Variants in FSHR observed in about 807,000 individuals in gnomAD.
FSHR encodes the protein follicle stimulating hormone receptor.
FSHR carries 46 observed loss-of-function variants against 52.1 expected under a neutral mutation model. The ratio of observed to expected loss-of-function variants is 0.88; its 90% CI spans 0.70 to 1.13. The LOEUF (loss-of-function observed/expected upper bound fraction) is 1.13. Ranked by LOEUF, FSHR falls within the 50% of genes most tolerant of loss-of-function variation. The pLI is 0.00. For missense variants in FSHR, 964 were observed against 834.6 expected (o/e 1.16, Z -1.91); for synonymous variants, 399 against 309.6 (o/e 1.29, Z -3.03).
At chr2:49,136,769 A>T (rs1175532136) in intron 1 of FSHR, among the ~76,000 whole-genome samples, 1 of 152,168 alleles carries the variant, frequency 6.6e-6, no homozygotes, top group African/African-American at 2.4e-5. Context: ...CAAAAATCAC[A>T]TAATTGTCTC....
At chr2:49,151,544 A>G (rs1170381773) in intron 1 of FSHR, among the ~76,000 whole-genome samples, 1 of 152,132 alleles carries the variant, frequency 6.6e-6, no homozygotes, top group Non-Finnish European at 1.5e-5. Flanking sequence ...ATGAAATGAA[A>G]CTGCTGCAAG....
At chr2:49,054,502 T>G (rs972285583) in intron 2 of FSHR, among the ~76,000 whole-genome samples, 4 of 152,134 alleles carry the variant, frequency 2.6e-5, no homozygotes, top group Non-Finnish European at 5.9e-5. Flanking sequence ...GCCAGCCAAG[T>G]AGCTATGTGC....
chr2:49,042,426 C>A (rs921027467), intron 2 of FSHR, among the ~76,000 whole-genome samples: 1 of 152,138 alleles, frequency 6.6e-6, no homozygotes, highest in African/African-American at 2.4e-5. Flanking sequence ...AAAACAGGAT[C>A]ATCAGGGCAA....
intron 2 of FSHR, among the ~76,000 whole-genome samples, chr2:49,021,478 CT>C (rs1482496643): frequency 2.0e-5 from 3 of 152,090 alleles, no homozygotes; most frequent in Non-Finnish European, 4.4e-5. Context: ...GGTAGAAGTG[CT>C]GTCTGCTGGC....
At chr2:49,058,700 CA>C (rs1302073306) in intron 2 of FSHR, among the ~76,000 whole-genome samples, 2 of 151,708 alleles carry the variant, frequency 1.3e-5, no homozygotes, top group African/African-American at 4.8e-5. Context: ...ATTCCATTTA[CA>C]AAAACTACAA....
intron 4 of FSHR, among the ~76,000 whole-genome samples, chr2:48,994,351 A>T (rs574549861): frequency 1.3e-5 from 2 of 152,332 alleles, no homozygotes; most frequent in South Asian, 4.1e-4. Context: ...GAGCTTCCAT[A>T]GCCACTGTAC....
intron 2 of FSHR, among the ~76,000 whole-genome samples, chr2:49,029,245 G>A (rs1668016524): frequency 6.6e-6 from 1 of 152,194 alleles, no homozygotes; most frequent in African/African-American, 2.4e-5. Flanking sequence ...TCCCTCTTGT[G>A]AGCACACATC....
At chr2:48,998,691 C>T (rs539321305) in intron 4 of FSHR, among the ~76,000 whole-genome samples, 2 of 151,868 alleles carry the variant, frequency 1.3e-5, no homozygotes, top group East Asian at 3.9e-4. Context: ...TTGGATCTAC[C>T]TATTTTAGTG....
chr2:49,022,037 C>T (rs992105682), intron 2 of FSHR, among the ~76,000 whole-genome samples: 1 of 150,568 alleles, frequency 6.6e-6, no homozygotes, highest in African/African-American at 2.4e-5. Flanking sequence ...AAGAAGAAAG[C>T]CTTCATTTGA....
In FSHR at chr2:49,056,445, AATATATATATATATATATAT is replaced by A. The variant is rs70946848; in HGVS notation, c.224+11754_224+11773del. On this transcript the variant is annotated intron_variant, in intron 2 of 9. Transcript: ENST00000406846. ...TTCAGCAAGAAATCATTACAATTGG[AATATATATATATATATATAT>A]ATATATATATATATATATATATCCA... Among the ~76,000 whole-genome samples the A allele has an allele frequency of 2.6e-3, 336 of 128,574 alleles. 3 individuals are homozygous for A. Among genetic ancestry groups the A allele is most frequent in the African/African-American group, 8.7e-3 (272 of 31,422 alleles). 84.3% of individuals were successfully genotyped at this position (128,574 alleles called of 152,430 possible).
intron 1 of FSHR, among the ~76,000 whole-genome samples, chr2:49,141,355 C>T (rs1357449190): frequency 6.6e-6 from 1 of 152,066 alleles, no homozygotes; most frequent in African/African-American, 2.4e-5. Flanking sequence ...GTGTGTGGTG[C>T]TGGCATCTGC....
At chr2:49,135,003 C>G (rs1252651893) in intron 1 of FSHR, among the ~76,000 whole-genome samples, 1 of 152,086 alleles carries the variant, frequency 6.6e-6, no homozygotes. Flanking sequence ...CAGCATGGCA[C>G]ATGTATACAT....
At chr2:49,151,268 G>T (rs966016881) in intron 1 of FSHR, among the ~76,000 whole-genome samples, 25 of 151,912 alleles carry the variant, frequency 1.6e-4, no homozygotes, top group African/African-American at 5.3e-4. Context: ...GAGCTGCAGG[G>T]ATAATTGCCA....
At chr2:49,082,488 T>C (rs1157058847) in intron 1 of FSHR, among the ~76,000 whole-genome samples, 1 of 152,104 alleles carries the variant, frequency 6.6e-6, no homozygotes, top group East Asian at 1.9e-4. Context: ...GGAACAAAGC[T>C]GGACGGAGAA....
intron 8 of FSHR, among the ~76,000 whole-genome samples, chr2:48,972,008 G>A (rs181025943): frequency 3.9e-5 from 6 of 152,200 alleles, no homozygotes; most frequent in Admixed American, 1.3e-4. Flanking sequence ...TGCTGATGGC[G>A]CTAAAATTTG....
At chr2:49,018,002 G>C (rs1168741358) in intron 3 of FSHR, among the ~76,000 whole-genome samples, 1 of 151,816 alleles carries the variant, frequency 6.6e-6, no homozygotes, top group East Asian at 1.9e-4. Context: ...TAATGAAAAA[G>C]AGCAATGAAA....
rs182456584 is a variant in FSHR, at chr2:48,998,061, C to A, written c.375-7424G>T. Among the ~76,000 whole-genome samples, 1,432 of 152,192 alleles carry A rather than the reference C, an allele frequency of 9.4e-3. 22 individuals are homozygous for A. Among genetic ancestry groups the A allele is most frequent in the African/African-American group, 0.033 (1,370 of 41,536 alleles). The stretch of plus-strand genomic sequence containing the variant: ...GGTTTTCTGATCAGGATCATACTAT[C>A]ACTTAGAGGTTTGTTGAAGTCAAGG... On this transcript the variant is annotated intron_variant, in intron 4 of 9. Transcript: ENST00000406846.
chr2:48,982,274 G>A (rs1675284667), intron 8 of FSHR, among the ~76,000 whole-genome samples: 1 of 152,134 alleles, frequency 6.6e-6, no homozygotes, highest in African/African-American at 2.4e-5. Context: ...AGATGGGAAA[G>A]TCACTTTTGG....
At chr2:49,153,328 G>A (rs1673128562) in intron 1 of FSHR, among the ~76,000 whole-genome samples, 2 of 152,174 alleles carry the variant, frequency 1.3e-5, no homozygotes. Flanking sequence ...AAATCCCTGA[G>A]TCCCAACTTG....
Sources: gnomAD v4.1 joint callset for allele counts (sites outside exome capture counted in the v4.1 genomes callset) on GRCh38, gnomAD v4.1.1 for gene constraint, MANE v1.5 for transcripts, NCBI Gene and HGNC (gene_info 2026-07-23, HGNC 2026-07-21) for gene names.